Variants in SH3GL2 observed in about 807,000 individuals in gnomAD.
SH3GL2 encodes the protein SH3 domain containing GRB2 like 2, endophilin A1.
SH3GL2 carries 24 observed loss-of-function variants against 46.0 expected under a neutral mutation model. The observed-to-expected ratio is 0.52, with a 90% CI of 0.38 to 0.73. The LOEUF is 0.73. Ranked by LOEUF, SH3GL2 falls within the 30% of genes least tolerant of loss-of-function variation. The probability of loss-of-function intolerance (pLI) is 0.00; values close to 1 mark genes in which losing one functional copy is unlikely to be tolerated. For missense variants in SH3GL2, 413 were observed against 424.2 expected, an observed-to-expected ratio of 0.97 and a Z score of 0.23; for synonymous variants, 196 against 147.1, an observed-to-expected ratio of 1.33 and a Z score of -2.40.
At chr9:17,793,590 A>C (rs1824195111) in intron 8 of SH3GL2, 93 bp downstream of exon 8, 1 of 1,209,010 alleles carries the variant, frequency 8.3e-7, no homozygotes, top group African/African-American at 1.5e-5. Context: ...ATCTGGCTGC[A>C]TAGGAAATAT....
chr9:17,667,135 T>G (rs1820363919), intron 1 of SH3GL2, among the ~76,000 whole-genome samples: 1 of 152,198 alleles, frequency 6.6e-6, no homozygotes, highest in African/African-American at 2.4e-5. Context: ...ATTTTTAGTG[T>G]TATTGGCTTT....
chr9:17,665,625 C>T (rs1055617153), intron 1 of SH3GL2, among the ~76,000 whole-genome samples: 2 of 151,884 alleles, frequency 1.3e-5, no homozygotes, highest in East Asian at 3.9e-4. Flanking sequence ...CCAGTAAGAG[C>T]CCCGTCAGCT....
At chr9:17,770,216 C>G (rs1005266257) in intron 3 of SH3GL2, among the ~76,000 whole-genome samples, 1 of 152,094 alleles carries the variant, frequency 6.6e-6, no homozygotes, top group Non-Finnish European at 1.5e-5. Flanking sequence ...AATCACTGGG[C>G]TGAAGCTATT....
At chr9:17,767,868 A>T (rs998789048) in intron 3 of SH3GL2, among the ~76,000 whole-genome samples, 7 of 152,188 alleles carry the variant, frequency 4.6e-5, no homozygotes, top group Non-Finnish European at 7.3e-5. Flanking sequence ...AAGTCAGGTG[A>T]TGGGTGATAT....
chr9:17,642,888 C>T (rs1819719023), intron 1 of SH3GL2, among the ~76,000 whole-genome samples: 1 of 152,004 alleles, frequency 6.6e-6, no homozygotes, highest in Admixed American at 6.6e-5. Flanking sequence ...TGTGAATTTT[C>T]TAATTCTGTG....
At chr9:17,738,103 T>A (rs763200540) in intron 1 of SH3GL2, among the ~76,000 whole-genome samples, 66 of 152,114 alleles carry the variant, frequency 4.3e-4, no homozygotes, top group Non-Finnish European at 6.0e-4. Flanking sequence ...AAACTGCAGG[T>A]TCCCAGACAG....
chr9:17,742,350 A>G (rs1822550385), intron 1 of SH3GL2, among the ~76,000 whole-genome samples: 1 of 152,194 alleles, frequency 6.6e-6, no homozygotes, highest in Non-Finnish European at 1.5e-5. Flanking sequence ...GGCTGAGAAC[A>G]GTGGCCATTT....
At chr9:17,625,876 C>T (rs1819268837) in intron 1 of SH3GL2, among the ~76,000 whole-genome samples, 1 of 152,198 alleles carries the variant, frequency 6.6e-6, no homozygotes, top group Non-Finnish European at 1.5e-5. Context: ...CATGGGAAAC[C>T]TGTCCCAGGA....
At chr9:17,715,069 A>G (rs1420799372) in intron 1 of SH3GL2, among the ~76,000 whole-genome samples, 1 of 151,300 alleles carries the variant, frequency 6.6e-6, no homozygotes, top group East Asian at 1.9e-4. Context: ...TTTGTTTTGT[A>G]TTGCATATGC....
chr9:17,706,642 T>C (rs1002526154), intron 1 of SH3GL2, among the ~76,000 whole-genome samples: 1 of 152,216 alleles, frequency 6.6e-6, no homozygotes, highest in Middle Eastern at 3.4e-3. Context: ...TTGTTCTAGT[T>C]TCTTTTATGT....
At chr9:17,692,319 T>G (rs958731006) in intron 1 of SH3GL2, among the ~76,000 whole-genome samples, 3 of 151,858 alleles carry the variant, frequency 2.0e-5, no homozygotes, top group Non-Finnish European at 4.4e-5. Context: ...TAAAGATATT[T>G]AAGAAACTAT....
chr9:17,752,489 AATTT>A (rs1418882817), intron 2 of SH3GL2, among the ~76,000 whole-genome samples: 2 of 151,832 alleles, frequency 1.3e-5, no homozygotes, highest in Non-Finnish European at 2.9e-5. Context: ...TTATTTATCT[AATTT>A]ATTTATTTAC....
At chr9:17,752,746 C>T (rs7859234) in intron 2 of SH3GL2, among the ~76,000 whole-genome samples, 1 of 151,998 alleles carries the variant, frequency 6.6e-6, no homozygotes, top group Non-Finnish European at 1.5e-5. Flanking sequence ...TACACGTGCA[C>T]GTTTGTTACA....
At chr9:17,785,612 G>A (rs778298324) in intron 3 of SH3GL2, among the ~76,000 whole-genome samples, 1 of 152,134 alleles carries the variant, frequency 6.6e-6, no homozygotes, top group Non-Finnish European at 1.5e-5. Context: ...AGGTATCCTA[G>A]CATCAATTAA....
chr9:17,779,638 A>G (rs1823741906), intron 3 of SH3GL2, among the ~76,000 whole-genome samples: 1 of 152,140 alleles, frequency 6.6e-6, no homozygotes, highest in South Asian at 2.1e-4. Context: ...TGCCACATAT[A>G]AAACCACTGG....
chr9:17,595,969 C>A (rs2134554687), intron 1 of SH3GL2, among the ~76,000 whole-genome samples: 1 of 152,126 alleles, frequency 6.6e-6, no homozygotes, highest in South Asian at 2.1e-4. Context: ...TATTTTCTTT[C>A]TTATCTTTGG....
At chr9:17,667,633 G>A (rs751874628) in intron 1 of SH3GL2, among the ~76,000 whole-genome samples, 13 of 152,118 alleles carry the variant, frequency 8.5e-5, no homozygotes, top group Non-Finnish European at 1.3e-4. Flanking sequence ...TTGTGTGCAC[G>A]TTTTTGTGGG....
intron 3 of SH3GL2, among the ~76,000 whole-genome samples, chr9:17,778,481 C>T (rs77458276): frequency 0.036 from 5,425 of 152,152 alleles, 182 homozygotes; most frequent in African/African-American, 0.09. Context: ...GCCATGTTGG[C>T]TGGGGGAGGT....
intron 1 of SH3GL2, among the ~76,000 whole-genome samples, chr9:17,703,434 C>G (rs1821385939): frequency 6.6e-6 from 1 of 151,998 alleles, no homozygotes; most frequent in South Asian, 2.1e-4. Flanking sequence ...AGGGACTCCT[C>G]CTTAACTCAT....
Sources: gnomAD v4.1 joint callset for allele counts (sites outside exome capture counted in the v4.1 genomes callset) on GRCh38, gnomAD v4.1.1 for gene constraint, MANE v1.5 for transcripts, NCBI Gene and HGNC (gene_info 2026-07-23, HGNC 2026-07-21) for gene names.